ZZEF1: variants seen among roughly 807,000 people sequenced by gnomAD.
ZZEF1 encodes zinc finger ZZ-type and EF-hand domain-containing protein 1.
Under a neutral mutation model 342.8 loss-of-function variants are expected in ZZEF1, and 157 were observed. The ratio of observed to expected loss-of-function variants is 0.46; its 90% confidence interval spans 0.40 to 0.52. The LOEUF (loss-of-function observed/expected upper bound fraction) is 0.52, where lower values mean the gene tolerates loss of function less well. ZZEF1 is among the 20% of genes least tolerant of loss of function. ZZEF1 has a pLI of 0.00. For synonymous variants in ZZEF1, 1,505 were observed against 1,429.1 expected (o/e 1.05, Z -1.20); for missense variants, 3,480 against 3,725.6 (o/e 0.93, Z 1.72).
intron 38 of ZZEF1, among the ~76,000 whole-genome samples, chr17:4,043,070 T>A (rs1292115406): frequency 6.6e-6 from 1 of 152,196 alleles, no homozygotes; most frequent in Non-Finnish European, 1.5e-5. Flanking sequence ...CCTGTTTAAA[T>A]GAAAGACTGT....
At chr17:4,059,312 G>C (rs1218747318) in intron 30 of ZZEF1, 22 bp from the exon 31 acceptor site, 7 of 1,586,968 alleles carry the variant, frequency 4.4e-6, no homozygotes, top group Non-Finnish European at 6.0e-6. Flanking sequence ...GGAAATCACT[G>C]ATTCACTTAA....
At chr17:4,136,236 C>T (rs749449036) in intron 1 of ZZEF1, among the ~76,000 whole-genome samples, 2 of 146,578 alleles carry the variant, frequency 1.4e-5, no homozygotes, top group Non-Finnish European at 3.0e-5. Flanking sequence ...CCCAGCTAAT[C>T]GGGAGGCTGA....
intron 21 of ZZEF1, chr17:4,076,197 T>A (rs910128373): frequency 7.0e-6 from 1 of 142,508 alleles, no homozygotes; most frequent in African/African-American, 2.7e-5. Flanking sequence ...AGTGGCGCAA[T>A]CTCGGCTCAC....
At chr17:4,059,558 C>T (rs945616939) in intron 30 of ZZEF1, among the ~76,000 whole-genome samples, 2 of 152,178 alleles carry the variant, frequency 1.3e-5, no homozygotes, top group African/African-American at 2.4e-5. Context: ...CCTCCCACCA[C>T]TACTTGGGTG....
At position 4,070,729 on chromosome 17, in the gene ZZEF1, G is replaced by C; in HGVS notation, c.4030C>G (p.Leu1344Val). Reference protein sequence around the residue: ...DQAVNATFAALVYRTPDLYEK... With the variant: ...DQAVNATFAAVVYRTPDLYEK... ...TATAAATCTGGAGTGCGATACACCA[G>C]AGCAGCAAAGGTGGCGTTCACAGCT... The change falls in exon 26 of 55, where the codon CTG becomes GTG. Residue 1344 changes from leucine (L) to valine (V), a missense_variant. This residue lies in a region of ZZEF1 where 1,528 missense variants were observed against 1,624.1 expected (regional missense o/e 0.94). Transcript: ENST00000381638. 6.2e-7 allele frequency: 1 copy of C among 1,614,106 alleles called. No homozygotes were observed. Among genetic ancestry groups the C allele is most frequent in the Non-Finnish European group, 8.5e-7 (1 of 1,180,036 alleles).
chr17:4,050,976 G>A lies in ZZEF1; in HGVS notation c.5668C>T (p.Leu1890Phe), dbSNP rs774643564. 3 of 1,614,240 alleles carry A rather than the reference G, an allele frequency of 1.9e-6. No homozygotes were observed. The highest frequency in any genetic ancestry group is 2.5e-6 in the Non-Finnish European group (3 of 1,180,038). The stretch of plus-strand genomic sequence containing the variant: ...TAGTTATGGATATATGGCTGGATGA[G>A]CCTCTGCCGGTCACTGATCCGAATG... ...VTIRISDRQRLIQPYIHNYSW... is the reference protein window; with the variant it reads ...VTIRISDRQRFIQPYIHNYSW... Residue 1890 changes from leucine (L) to phenylalanine (F), a missense_variant, in exon 36 of 55, where the codon CTC becomes TTC. Leu to Phe is a conservative substitution (Grantham distance 22, BLOSUM62 0). This residue lies in a region of ZZEF1 where 175 missense variants were observed against 254.6 expected (regional missense o/e 0.69). Coordinates refer to ENST00000381638, the MANE Select transcript of ZZEF1 (RefSeq NM_015113.4).
At chr17:4,045,888 C>T (rs543710667) in intron 37 of ZZEF1, among the ~76,000 whole-genome samples, 2 of 149,642 alleles carry the variant, frequency 1.3e-5, no homozygotes, top group Non-Finnish European at 1.5e-5. Context: ...AGTGCAGGGG[C>T]GCCATCTCGG....
At chr17:4,030,750 T>C (rs923283835) in intron 42 of ZZEF1, among the ~76,000 whole-genome samples, 13 of 152,218 alleles carry the variant, frequency 8.5e-5, no homozygotes, top group African/African-American at 3.1e-4. Flanking sequence ...CAGGCTCTTT[T>C]ATAGAAACTG....
rs767738529 is a variant in ZZEF1, at chr17:4,114,620, T to C, written c.695-150A>G. On this transcript the variant is annotated intron_variant, in intron 3 of 54. Coordinates refer to ENST00000381638, the MANE Select transcript of ZZEF1 (RefSeq NM_015113.4). The stretch of plus-strand genomic sequence containing the variant: ...AATCTCCTTCCAGATCCTTTTGTAG[T>C]TCATCAGTGTCATGAGTGGGTTTTC... The C allele has an allele frequency of 4.2e-5, 26 of 618,356 alleles. No homozygotes were observed. The African/African-American group carries it at 4.4e-4, about 10-fold the overall frequency. The allele number at this position is 618,356 out of a possible 1,614,324, so 38.3% of individuals were successfully genotyped here. A position where few individuals can be genotyped will look rare whatever the true frequency, so the allele number is the denominator to read the frequency against.
intron 40 of ZZEF1, 192 bp from the exon 41 acceptor site, chr17:4,033,194 A>ATAG: frequency 1.8e-6 from 1 of 558,416 alleles, no homozygotes; most frequent in South Asian, 3.1e-5. Flanking sequence ...TGTTACTTAC[A>ATAG]TACTCACCCT....
chr17:4,120,256 C>T (rs891735819), intron 2 of ZZEF1, among the ~76,000 whole-genome samples: 1 of 151,826 alleles, frequency 6.6e-6, no homozygotes, highest in Non-Finnish European at 1.5e-5. Flanking sequence ...ACTCGGGAGG[C>T]TGAGGCAGGA....
intron 17 of ZZEF1, 89 bp downstream of exon 17, chr17:4,082,348 C>G (rs912251068): frequency 1.6e-6 from 2 of 1,280,318 alleles, no homozygotes; most frequent in East Asian, 2.5e-5. Context: ...AGTACTACTT[C>G]GAAGGCACAT....
intron 1 of ZZEF1, among the ~76,000 whole-genome samples, chr17:4,138,021 T>C (rs2058781890): frequency 6.6e-6 from 1 of 151,742 alleles, no homozygotes; most frequent in Non-Finnish European, 1.5e-5. Context: ...GTAAGGGAGT[T>C]AGGAACAAAG....
chr17:4,064,495 G>A lies in ZZEF1; in HGVS notation c.4584C>T (p.Phe1528=). 1 of 1,614,202 alleles carries A rather than the reference G, an allele frequency of 6.2e-7. No homozygotes were observed. Among genetic ancestry groups the A allele is most frequent in the Admixed American group, 1.7e-5 (1 of 60,028 alleles). Residue 1528 remains phenylalanine, a synonymous_variant, in exon 29 of 55, where the codon TTC becomes TTT. Coordinates refer to ENST00000381638, the MANE Select transcript of ZZEF1 (RefSeq NM_015113.4). ...AGAGCAGCCGGAGTCGCCCTCGGGT[G>A]AAGGGAGGCCGGCGGGTGGGTGTGG... is the stretch of plus-strand genomic sequence containing the variant. The part of the protein sequence containing the change: ...SPSTPTRRPP[F]TRGRLRLLSF...
rs1447138910 is a variant in ZZEF1, at chr17:4,092,855, C to A, written c.1914-2025G>T. On this transcript the variant is annotated intron_variant, in intron 11 of 54. Transcript: ENST00000381638. ...TCCCTACACTGCACTACATAGTAGGCAAGATGGAAGACAGATGAATCCTAG... is the reference window on the plus strand; with the variant it reads ...TCCCTACACTGCACTACATAGTAGGAAAGATGGAAGACAGATGAATCCTAG... 4.0e-5 allele frequency among the ~76,000 whole-genome samples: 6 copies of A among 150,698 alleles called. No individual in the cohort carries two copies. The Admixed American group carries it at 4.0e-4, about 10-fold the overall frequency.
chr17:4,018,161 C>T (rs939747790), intron 46 of ZZEF1, among the ~76,000 whole-genome samples, 190 bp from the exon 47 acceptor site: 14 of 152,158 alleles, frequency 9.2e-5, no homozygotes, highest in Non-Finnish European at 7.3e-5. Flanking sequence ...CATGTATGCT[C>T]TGTGGCAGGA....
At chr17:4,102,439 A>G (rs1411346750) in intron 8 of ZZEF1, 24 bp from the exon 9 acceptor site, 1 of 1,598,618 alleles carries the variant, frequency 6.3e-7, no homozygotes, top group Admixed American at 1.7e-5. Context: ...AGGAAGACCA[A>G]GCTGTAAGCT....
At chr17:4,066,186 T>C (rs2057390454) in intron 28 of ZZEF1, among the ~76,000 whole-genome samples, 1 of 152,130 alleles carries the variant, frequency 6.6e-6, no homozygotes, top group African/African-American at 2.4e-5. Context: ...AAAAAAGATG[T>C]AGCTCAAAAA....
intron 1 of ZZEF1, among the ~76,000 whole-genome samples, chr17:4,133,376 G>A (rs1220645122): frequency 2.0e-5 from 3 of 152,168 alleles, no homozygotes; most frequent in Admixed American, 2.0e-4. Context: ...CAAGGCTTCA[G>A]GGTTCATGTT....
Sources: allele counts gnomAD v4.1 joint callset (sites outside exome capture counted in the v4.1 genomes callset), GRCh38; gene constraint gnomAD v4.1.1; regional missense constraint gnomAD v4.1.1; transcripts MANE v1.5; gene names NCBI Gene and HGNC (gene_info 2026-07-23, HGNC 2026-07-21).